DNAJC6: variants seen among roughly 807,000 people sequenced by gnomAD.
DNAJC6 encodes auxilin.
A neutral mutation model predicts 110.0 loss-of-function variants in DNAJC6; 34 were observed. The ratio of observed to expected loss-of-function variants is 0.31; its 90% CI spans 0.24 to 0.41. The LOEUF is 0.41. DNAJC6 is among the 10% of genes least tolerant of loss of function. The pLI is 1.00. For synonymous variants in DNAJC6, 406 were observed against 437.2 expected, an observed-to-expected ratio of 0.93 and a Z score of 0.89; for missense variants, 1,031 against 1,207.8, an observed-to-expected ratio of 0.85 and a Z score of 2.17.
intron 1 of DNAJC6, among the ~76,000 whole-genome samples, chr1:65,266,647 G>C (rs1536172): frequency 6.6e-6 from 1 of 151,872 alleles, no homozygotes; most frequent in African/African-American, 2.4e-5. Context: ...AAGAATGTTG[G>C]ATTTTCCTGT....
chr1:65,375,287 G>A (rs1332152814), intron 4 of DNAJC6, among the ~76,000 whole-genome samples: 1 of 151,736 alleles, frequency 6.6e-6, no homozygotes, highest in Non-Finnish European at 1.5e-5. Flanking sequence ...TTATCATAAA[G>A]GGATGTTGAA....
At chr1:65,283,986 A>C (rs892074241) in intron 1 of DNAJC6, among the ~76,000 whole-genome samples, 1 of 151,570 alleles carries the variant, frequency 6.6e-6, no homozygotes, top group African/African-American at 2.4e-5. Flanking sequence ...ACCTCCTCCT[A>C]CCTCCATGAC....
chr1:65,364,853 C>T, intron 2 of DNAJC6, 68 bp downstream of exon 2: 2 of 1,570,200 alleles, frequency 1.3e-6, no homozygotes, highest in Non-Finnish European at 1.7e-6. Flanking sequence ...TACCTGCTGA[C>T]TGCTTGTCTG....
chr1:65,371,836 G>T (rs1030211610), intron 4 of DNAJC6, among the ~76,000 whole-genome samples: 1 of 152,218 alleles, frequency 6.6e-6, no homozygotes, highest in East Asian at 1.9e-4. Context: ...GTCAGCTACT[G>T]CATGAAGCTG....
intron 12 of DNAJC6, among the ~76,000 whole-genome samples, chr1:65,394,594 G>A (rs1267320578): frequency 1.3e-5 from 2 of 152,192 alleles, no homozygotes; most frequent in Non-Finnish European, 2.9e-5. Context: ...GGTAAGAAGG[G>A]ATAAGGCTAG....
chr1:65,374,958 G>T (rs143663142), intron 4 of DNAJC6, among the ~76,000 whole-genome samples: 1 of 149,638 alleles, frequency 6.7e-6, no homozygotes, highest in South Asian at 2.1e-4. Context: ...TGTTCCTTCT[G>T]TATCTATTTT....
At chr1:65,375,080 C>T (rs1166142309) in intron 4 of DNAJC6, among the ~76,000 whole-genome samples, 1 of 151,782 alleles carries the variant, frequency 6.6e-6, no homozygotes, top group African/African-American at 2.4e-5. Context: ...TCTCCTGCCT[C>T]AGCCTCCCAA....
chr1:65,294,666 T>C (rs1212145624), intron 1 of DNAJC6, among the ~76,000 whole-genome samples: 1 of 151,356 alleles, frequency 6.6e-6, no homozygotes. Flanking sequence ...ATTGATTACA[T>C]GTTGAAATGG....
chr1:65,265,828 C>G (rs1294090589), intron 1 of DNAJC6, among the ~76,000 whole-genome samples: 2 of 152,180 alleles, frequency 1.3e-5, no homozygotes, highest in African/African-American at 4.8e-5. Flanking sequence ...AAGGGCGCAG[C>G]GGAGTCGCGT....
intron 5 of DNAJC6, among the ~76,000 whole-genome samples, chr1:65,380,894 T>TTTTTGTTTTG (rs1557551936): frequency 2.2e-5 from 3 of 136,048 alleles, no homozygotes; most frequent in African/African-American, 9.4e-5. Flanking sequence ...GAGGGAGTTT[T>TTTTTGTTTTG]TTTTTTTTTG....
intron 1 of DNAJC6, among the ~76,000 whole-genome samples, chr1:65,269,367 C>CAAA (rs78150700): frequency 3.0e-5 from 3 of 100,122 alleles, no homozygotes; most frequent in East Asian, 2.9e-4. Context: ...GACCCTGTCT[C>CAAA]AAAAAAAAAA....
Position 65,411,285 on chromosome 1 carries a change from C to T in DNAJC6, c.2670C>T (p.Ile890=). ...GGATTGAAGGCAAAGAAAGAAATAT[C>T]AGAGCCCTTCTTTCCACGATGCATA... ...LEWIEGKERN[I]RALLSTMHTV... is the part of the protein sequence containing the mutation. The change falls in exon 18 of 19, where the codon ATC becomes ATT. Residue 890 remains isoleucine, a synonymous_variant. Coordinates refer to ENST00000371069, the MANE Select transcript of DNAJC6 (RefSeq NM_001256864.2). The T allele has an allele frequency of 6.2e-7, 1 of 1,613,674 alleles. No homozygotes were observed. Among genetic ancestry groups the T allele is most frequent in the Non-Finnish European group, 8.5e-7 (1 of 1,179,760 alleles).
intron 1 of DNAJC6, among the ~76,000 whole-genome samples, chr1:65,272,197 A>G (rs914098037): frequency 6.6e-6 from 1 of 152,236 alleles, no homozygotes; most frequent in Non-Finnish European, 1.5e-5. Flanking sequence ...TGGGATTTAT[A>G]TGGACACTTA....
chr1:65,341,566 T>C (rs1460551053), intron 1 of DNAJC6, among the ~76,000 whole-genome samples: 2 of 152,196 alleles, frequency 1.3e-5, no homozygotes, highest in Non-Finnish European at 2.9e-5. Flanking sequence ...AGCACTGATA[T>C]GCTTTCACAC....
In DNAJC6 at chr1:65,299,909, G is replaced by A. The variant is rs553660485; in HGVS notation, c.-131+34977G>A. On this transcript the variant is annotated intron_variant, in intron 1 of 19. Coordinates refer to the DNAJC6 transcript ENST00000263441. ...TACTAAAAACACAAAAGAATTAGCT[G>A]GGCATGGTGGTGTGTGCTTGTAATC... 5.3e-5 allele frequency among the ~76,000 whole-genome samples: 8 copies of A among 151,910 alleles called. 1 individual carries two copies. In the East Asian group the frequency reaches 9.7e-4, roughly 19 times the overall value.
chr1:65,318,946 GA>G (rs369027792), intron 1 of DNAJC6, among the ~76,000 whole-genome samples: 23 of 151,888 alleles, frequency 1.5e-4, no homozygotes, highest in African/African-American at 5.1e-4. Flanking sequence ...GGGTGTGTTG[GA>G]AGACAGAGCA....
chr1:65,365,721 C>G (rs1205753924), intron 2 of DNAJC6, among the ~76,000 whole-genome samples, 164 bp from the exon 3 acceptor site: 1 of 152,132 alleles, frequency 6.6e-6, no homozygotes, highest in Non-Finnish European at 1.5e-5. Context: ...CACGGGCTTT[C>G]TTTTCTCAGT....
rs369152452 is a variant in DNAJC6, at chr1:65,378,628, T to G, written c.544-774T>G. Reference sequence around the variant, plus strand: ...ATGTAATCAACTGGGGATCATGCCTTAACAGTATTTTGAGGCAAGTGATAA... The same window carrying G: ...ATGTAATCAACTGGGGATCATGCCTGAACAGTATTTTGAGGCAAGTGATAA... On this transcript the variant is annotated intron_variant, in intron 4 of 18. Coordinates refer to ENST00000371069, the MANE Select transcript of DNAJC6 (RefSeq NM_001256864.2). Among the ~76,000 whole-genome samples the G allele has an allele frequency of 1.4e-4, 21 of 152,340 alleles. No individual in the cohort carries two copies. The East Asian group carries it at 2.5e-3, about 18-fold the overall frequency.
chr1:65,389,742 C>T (rs1645907962), intron 11 of DNAJC6, 115 bp downstream of exon 11: 2 of 1,144,622 alleles, frequency 1.7e-6, no homozygotes, highest in Admixed American at 2.0e-5. Flanking sequence ...TCATTCAATC[C>T]AGGCACACGG....
Sources: gnomAD v4.1 joint callset for allele counts (sites outside exome capture counted in the v4.1 genomes callset) on GRCh38, gnomAD v4.1.1 for gene constraint, MANE v1.5 for transcripts, NCBI Gene and HGNC (gene_info 2026-07-23, HGNC 2026-07-21) for gene names.